GRIA1: variants seen among roughly 807,000 people sequenced by gnomAD.
GRIA1 encodes the protein glutamate ionotropic receptor AMPA type subunit 1.
A neutral mutation model predicts 99.2 loss-of-function variants in GRIA1; 31 were observed. That is an observed-to-expected ratio of 0.31 (90% CI 0.23 to 0.42). The LOEUF (loss-of-function observed/expected upper bound fraction) is 0.42, where lower values mean the gene tolerates loss of function less well. Among genes scored for constraint, GRIA1 ranks in the 10% least tolerant of loss-of-function variants. The probability of loss-of-function intolerance (pLI) is 1.00; values close to 1 mark genes in which losing one functional copy is unlikely to be tolerated. For synonymous variants in GRIA1, 438 were observed against 432.4 expected, an observed-to-expected ratio of 1.01 and a Z score of -0.16; for missense variants, 782 against 1,157.5, an observed-to-expected ratio of 0.68 and a Z score of 4.71.
intron 2 of GRIA1, among the ~76,000 whole-genome samples, chr5:153,581,626 C>T (rs1009978129): frequency 6.6e-6 from 1 of 152,154 alleles, no homozygotes; most frequent in East Asian, 1.9e-4. Context: ...CGCTGACCTT[C>T]CCCTTTGGCC....
chr5:153,625,571 G>A lies in GRIA1; in HGVS notation c.221-21357G>A, dbSNP rs188810063. 8.5e-5 allele frequency among the ~76,000 whole-genome samples: 13 copies of A among 152,314 alleles called. No homozygotes were observed. The East Asian group carries it at 2.5e-3, about 29-fold the overall frequency. ...AGGGAGAGTGGGATGAGAAAAACAA[G>A]TGTATTGATATACCAGTGCAGAGCA... On this transcript the variant is annotated intron_variant, in intron 2 of 15. Coordinates refer to ENST00000285900, the MANE Select transcript of GRIA1 (RefSeq NM_000827.4).
At chr5:153,552,128 G>A (rs1445339902) in intron 2 of GRIA1, among the ~76,000 whole-genome samples, 1 of 151,806 alleles carries the variant, frequency 6.6e-6, no homozygotes, top group African/African-American at 2.4e-5. Context: ...TGCATCCAGT[G>A]ATTTTATGTG....
chr5:153,678,801 G>C (rs1419319813), intron 7 of GRIA1, among the ~76,000 whole-genome samples: 2 of 152,212 alleles, frequency 1.3e-5, no homozygotes, highest in Admixed American at 1.3e-4. Flanking sequence ...GAAGGACTCT[G>C]TACTGGGAGG....
In GRIA1 at chr5:153,811,169, T is replaced by C. The variant is rs776648384; in HGVS notation, c.2665T>C (p.Ser889Pro). ...VSHDFPKSMQSIPCMSHSSGM... is the reference protein window; with the variant it reads ...VSHDFPKSMQPIPCMSHSSGM... ...CCATGACTTCCCCAAGTCCATGCAATCGATTCCTTGCATGAGCCACAGTTC... is the reference window on the plus strand; with the variant it reads ...CCATGACTTCCCCAAGTCCATGCAACCGATTCCTTGCATGAGCCACAGTTC... Residue 889 changes from serine (S) to proline (P), a missense_variant, in exon 16 of 16, where the codon TCG (serine) becomes CCG (proline). Physicochemically the swap from Ser to Pro is moderately conservative, Grantham distance 74. This residue lies in a region of GRIA1 where 76 missense variants were observed against 81.2 expected (regional missense o/e 0.94). Coordinates refer to ENST00000285900, the MANE Select transcript of GRIA1 (RefSeq NM_000827.4). 19 of 1,613,888 alleles carry C rather than the reference T, an allele frequency of 1.2e-5. No individual in the cohort carries two copies. The highest frequency in any genetic ancestry group is 1.2e-4 in the Admixed American group (7 of 60,024).
intron 2 of GRIA1, among the ~76,000 whole-genome samples, chr5:153,531,608 T>C (rs1458824927): frequency 6.6e-6 from 1 of 152,218 alleles, no homozygotes; most frequent in Admixed American, 6.5e-5. Context: ...AGCAAAAGTC[T>C]GCACTTCCTC....
intron 13 of GRIA1, among the ~76,000 whole-genome samples, chr5:153,792,486 C>A (rs779645137): frequency 2.6e-5 from 4 of 152,202 alleles, no homozygotes; most frequent in African/African-American, 9.6e-5. Context: ...TCCCTTTTGT[C>A]CCTGCACTGA....
chr5:153,688,923 C>T (rs1382299687), intron 8 of GRIA1, among the ~76,000 whole-genome samples: 3 of 152,024 alleles, frequency 2.0e-5, no homozygotes, highest in Admixed American at 6.6e-5. Flanking sequence ...TTTCTCACGA[C>T]GTTGGCCAGA....
chr5:153,608,436 A>G (rs1344377919), intron 2 of GRIA1, among the ~76,000 whole-genome samples: 1 of 151,190 alleles, frequency 6.6e-6, no homozygotes, highest in Non-Finnish European at 1.5e-5. Flanking sequence ...ATTTTCTATC[A>G]TTTTCTCTTT....
At chr5:153,653,107 C>T (rs2149461528) in intron 4 of GRIA1, among the ~76,000 whole-genome samples, 1 of 152,264 alleles carries the variant, frequency 6.6e-6, no homozygotes, top group South Asian at 2.1e-4. Context: ...TATTTTCTTC[C>T]CTGCTGAGTC....
At chr5:153,565,433 T>C (rs1028864683) in intron 2 of GRIA1, among the ~76,000 whole-genome samples, 5 of 152,224 alleles carry the variant, frequency 3.3e-5, no homozygotes, top group African/African-American at 1.2e-4. Flanking sequence ...TTTTTTCTTT[T>C]AATGGCTTTA....
intron 8 of GRIA1, among the ~76,000 whole-genome samples, chr5:153,693,870 C>G (rs1757924448): frequency 6.6e-6 from 1 of 152,206 alleles, no homozygotes; most frequent in Non-Finnish European, 1.5e-5. Flanking sequence ...AAAATTTGCT[C>G]TAATCTCCAA....
At chr5:153,577,432 G>A (rs1268168016) in intron 2 of GRIA1, among the ~76,000 whole-genome samples, 1 of 152,184 alleles carries the variant, frequency 6.6e-6, no homozygotes, top group Non-Finnish European at 1.5e-5. Context: ...CAATTTCCAT[G>A]AAGCAAGGCC....
intron 2 of GRIA1, among the ~76,000 whole-genome samples, chr5:153,503,185 G>C (rs1330607001): frequency 6.6e-6 from 1 of 151,890 alleles, no homozygotes. Flanking sequence ...TTAATCATTT[G>C]TACATATTTT....
At position 153,668,320 on chromosome 5, in the gene GRIA1, C is replaced by T. The variant is rs1466004948; in HGVS notation, c.700-6180C>T. Among the ~76,000 whole-genome samples, 5 of 152,190 alleles carry T rather than the reference C, an allele frequency of 3.3e-5. No individual in the cohort carries two copies. In the East Asian group the frequency reaches 9.6e-4, roughly 29 times the overall value. On this transcript the variant is annotated intron_variant, in intron 5 of 15. Transcript: ENST00000285900. The stretch of plus-strand genomic sequence containing the variant: ...CTTTGCTCCTGTATAGGTCAAAAGT[C>T]AGCAAACTATGGTCCCTGTGTCAAA...
At chr5:153,808,370 A>T (rs1054985572) in intron 15 of GRIA1, among the ~76,000 whole-genome samples, 10 of 150,458 alleles carry the variant, frequency 6.6e-5, no homozygotes, top group African/African-American at 2.4e-4. Flanking sequence ...AGTTTATGAC[A>T]GTTTAGCCAC....
intron 11 of GRIA1, among the ~76,000 whole-genome samples, chr5:153,712,145 G>T (rs528712972): frequency 6.6e-6 from 1 of 152,078 alleles, no homozygotes; most frequent in Non-Finnish European, 1.5e-5. Flanking sequence ...TCCACCTCCC[G>T]GGTTCAAGCA....
chr5:153,806,888 G>A (rs1264676841), intron 15 of GRIA1, among the ~76,000 whole-genome samples: 2 of 152,158 alleles, frequency 1.3e-5, no homozygotes, highest in Non-Finnish European at 2.9e-5. Context: ...ACACAAGCTA[G>A]AAACTAAAAA....
chr5:153,514,563 G>A (rs1376705758), intron 2 of GRIA1, among the ~76,000 whole-genome samples: 1 of 152,108 alleles, frequency 6.6e-6, no homozygotes, highest in East Asian at 1.9e-4. Context: ...CTGCTTTTAT[G>A]CTAGTACCAT....
chr5:153,699,109 A>G, intron 10 of GRIA1, 36 bp downstream of exon 10: 1 of 1,454,930 alleles, frequency 6.9e-7, no homozygotes, highest in Non-Finnish European at 9.6e-7. Context: ...TAGAGGGCGG[A>G]GGCAGAGGGT....
Sources: allele counts gnomAD v4.1 joint callset (sites outside exome capture counted in the v4.1 genomes callset), GRCh38; gene constraint gnomAD v4.1.1; regional missense constraint gnomAD v4.1.1; transcripts MANE v1.5; gene names NCBI Gene and HGNC (gene_info 2026-07-23, HGNC 2026-07-21).